Variants in ARHGAP25 observed in about 807,000 individuals in gnomAD.
ARHGAP25 encodes the protein rho GTPase-activating protein 25.
ARHGAP25 carries 34 observed loss-of-function variants against 71.0 expected under a neutral mutation model. That is an observed-to-expected ratio of 0.48 (90% CI 0.36 to 0.64). ARHGAP25 has a LOEUF of 0.64. ARHGAP25 is among the 30% of genes least tolerant of loss of function. ARHGAP25 has a pLI of 0.00. For synonymous variants in ARHGAP25, 282 were observed against 296.5 expected (o/e 0.95, Z 0.50); for missense variants, 706 against 805.1 (o/e 0.88, Z 1.49).
At chr2:68,781,456 A>G (rs1227324504) in intron 2 of ARHGAP25, among the ~76,000 whole-genome samples, 3 of 152,196 alleles carry the variant, frequency 2.0e-5, no homozygotes, top group African/African-American at 7.2e-5. Context: ...ATGCACACAC[A>G]TGGTGGAAGT....
In ARHGAP25 at chr2:68,813,381, C is replaced by G. The variant is rs772600958; in HGVS notation, c.769C>G (p.Leu257Val). ...VVPWSQYEGF[L>V]LCGQLTNADE... ...TCCCTGGAGCCAGTACGAAGGGTTC[C>G]TGCTCTGTGGGCAGCTCACGAATGC... The change falls in exon 6 of 11, where the codon CTG becomes GTG. Residue 257 changes from leucine to valine, a missense_variant. Physicochemically the swap from Leu to Val is conservative, Grantham distance 32. Coordinates refer to ENST00000409202, the MANE Select transcript of ARHGAP25 (RefSeq NM_001007231.3). The G allele has an allele frequency of 1.2e-6, 2 of 1,613,600 alleles. No homozygotes were observed. Among genetic ancestry groups the G allele is most frequent in the Non-Finnish European group, 1.7e-6 (2 of 1,179,956 alleles).
chr2:68,755,855 G>A (rs1021558617), intron 1 of ARHGAP25, among the ~76,000 whole-genome samples: 4 of 152,132 alleles, frequency 2.6e-5, no homozygotes, highest in South Asian at 4.1e-4. Context: ...ACAATTTTAC[G>A]TTAAGATATT....
intron 2 of ARHGAP25, among the ~76,000 whole-genome samples, chr2:68,726,972 A>T (rs1674898565): frequency 6.6e-6 from 1 of 152,076 alleles, no homozygotes; most frequent in South Asian, 2.1e-4. Flanking sequence ...ATAAAACCTT[A>T]ATTTTGTGCC....
intron 4 of ARHGAP25, among the ~76,000 whole-genome samples, chr2:68,795,046 T>C (rs1430385730): frequency 1.3e-5 from 2 of 152,176 alleles, no homozygotes; most frequent in Non-Finnish European, 2.9e-5. Context: ...CTAGGTTTTC[T>C]AGTTTGTGGG....
In ARHGAP25 at chr2:68,743,294, A is replaced by G. The variant is rs545516487; in HGVS notation, c.61+8034A>G. Among the ~76,000 whole-genome samples, 4 of 133,152 alleles carry G rather than the reference A, an allele frequency of 3.0e-5. No homozygotes were observed. In the South Asian group the frequency reaches 9.8e-4, roughly 33 times the overall value. 87.4% of individuals were successfully genotyped at this position (133,152 alleles called of 152,430 possible). A position where few individuals can be genotyped will look rare whatever the true frequency, so the allele number is the denominator to read the frequency against. ...GTTGGAAGTTGTTAGTGTGGGCTTC[A>G]GGGGCTCAGTGTTTAACTGCTTGTG... On this transcript the variant is annotated intron_variant, in intron 1 of 10. Transcript: ENST00000409202.
At chr2:68,720,373 A>T (rs889394963) in intron 2 of ARHGAP25, among the ~76,000 whole-genome samples, 3 of 151,732 alleles carry the variant, frequency 2.0e-5, no homozygotes, top group African/African-American at 7.3e-5. Context: ...AAAAGCTCCT[A>T]TACTTGCTCT....
intron 3 of ARHGAP25, among the ~76,000 whole-genome samples, chr2:68,786,951 A>G (rs1191134000): frequency 6.6e-6 from 1 of 152,208 alleles, no homozygotes; most frequent in Non-Finnish European, 1.5e-5. Flanking sequence ...ATTTTAACCA[A>G]CTAAAGAAAA....
chr2:68,734,600 G>A (rs1242994422), upstream of ARHGAP25, among the ~76,000 whole-genome samples: 2 of 152,154 alleles, frequency 1.3e-5, no homozygotes, highest in Non-Finnish European at 2.9e-5. Context: ...TAGATGATGG[G>A]AGTTTCGACA....
intron 3 of ARHGAP25, among the ~76,000 whole-genome samples, chr2:68,785,456 A>T (rs1481464117): frequency 6.6e-6 from 1 of 152,208 alleles, no homozygotes; most frequent in African/African-American, 2.4e-5. Flanking sequence ...GGGAAAAAGA[A>T]ATCGATGTTG....
At chr2:68,732,298 C>T (rs1310643295), upstream of ARHGAP25, among the ~76,000 whole-genome samples, 1 of 152,128 alleles carries the variant, frequency 6.6e-6, no homozygotes, top group Non-Finnish European at 1.5e-5. Context: ...CTGACAGGAA[C>T]CTACCCTGAA....
chr2:68,812,437 C>T (rs919902271), intron 5 of ARHGAP25, among the ~76,000 whole-genome samples: 23 of 152,168 alleles, frequency 1.5e-4, no homozygotes, highest in African/African-American at 4.8e-4. Context: ...ATCAGGCCCA[C>T]GGGGAGGCGT....
chr2:68,787,802 C>T lies in ARHGAP25; in HGVS notation c.350-38C>T, dbSNP rs1573536508. Reference sequence around the variant, plus strand: ...CTTCCCCTTGCTCTCATGTTCTTATCACTCTAAGACCTTCACAAGTGCTAA... The same window carrying T: ...CTTCCCCTTGCTCTCATGTTCTTATTACTCTAAGACCTTCACAAGTGCTAA... On this transcript the variant is annotated intron_variant, in intron 3 of 10. Transcript: ENST00000409202. 1.9e-6 allele frequency: 3 copies of T among 1,545,186 alleles called. No homozygotes were observed. The East Asian group carries it at 6.7e-5, about 35-fold the overall frequency.
chr2:68,761,883 A>G (rs1676846222), intron 1 of ARHGAP25, among the ~76,000 whole-genome samples: 1 of 152,210 alleles, frequency 6.6e-6, no homozygotes, highest in Non-Finnish European at 1.5e-5. Flanking sequence ...CCGCATCTAA[A>G]TATATACTCA....
Position 68,822,797 on chromosome 2 carries a change from C to A in ARHGAP25, c.1658C>A (p.Ser553Tyr), listed in dbSNP as rs201320026. The A allele has an allele frequency of 9.3e-6, 15 of 1,614,182 alleles. No individual in the cohort carries two copies. In the Admixed American group the frequency reaches 1.3e-4, roughly 14 times the overall value. ...AACTCTGGAGAAGAGGAAATTGATT[C>A]TTTGCAGAGGATGGTCCAAGAGCTA... ...KKNSGEEEID[S>Y]LQRMVQELRK... The change falls in exon 10 of 11, where the codon TCT (serine) becomes TAT (tyrosine). Residue 553 changes from serine (S) to tyrosine (Y), a missense_variant. By Grantham distance (144) the Ser-to-Tyr change is moderately radical. Coordinates refer to ENST00000409202, the MANE Select transcript of ARHGAP25 (RefSeq NM_001007231.3).
chr2:68,802,543 T>C (rs1317885331), intron 4 of ARHGAP25, among the ~76,000 whole-genome samples: 5 of 152,102 alleles, frequency 3.3e-5, no homozygotes, highest in Non-Finnish European at 7.4e-5. Flanking sequence ...GGCTTTGTAT[T>C]TTCAGTGCCT....
chr2:68,784,991 A>T (rs1678647124), intron 3 of ARHGAP25, among the ~76,000 whole-genome samples: 1 of 152,196 alleles, frequency 6.6e-6, no homozygotes, highest in African/African-American at 2.4e-5. Flanking sequence ...GGAGTCAGCT[A>T]AGAGCACAGC....
chr2:68,807,160 T>C lies in ARHGAP25; in HGVS notation c.467-113T>C. ...TGAGTGATTTATCTCCCATATTTTGTCTAGTATCATTGCAATAAAACCTGT... is the reference window on the plus strand; with the variant it reads ...TGAGTGATTTATCTCCCATATTTTGCCTAGTATCATTGCAATAAAACCTGT... On this transcript the variant is annotated intron_variant, in intron 4 of 10. Transcript: ENST00000409202. 4 of 936,120 alleles carry C rather than the reference T, an allele frequency of 4.3e-6. No homozygotes were observed. In the South Asian group the frequency reaches 5.7e-5, roughly 13 times the overall value. The allele number at this position is 936,120 out of a possible 1,614,324, so 58.0% of individuals were successfully genotyped here. A position where few individuals can be genotyped will look rare whatever the true frequency, so the allele number is the denominator to read the frequency against.
chr2:68,762,121 A>G (rs1471563740), intron 1 of ARHGAP25, among the ~76,000 whole-genome samples: 1 of 152,204 alleles, frequency 6.6e-6, no homozygotes, highest in Non-Finnish European at 1.5e-5. Flanking sequence ...TAAGTGAAAT[A>G]AGCTGCTTCA....
chr2:68,802,917 A>G (rs1386305654), intron 4 of ARHGAP25, among the ~76,000 whole-genome samples: 1 of 143,528 alleles, frequency 7.0e-6, no homozygotes, highest in Non-Finnish European at 1.6e-5. Context: ...ATCCATATAT[A>G]CACATATATC....
Sources: gnomAD v4.1 joint callset for allele counts (sites outside exome capture counted in the v4.1 genomes callset) on GRCh38, gnomAD v4.1.1 for gene constraint, MANE v1.5 for transcripts, NCBI Gene and HGNC (gene_info 2026-07-23, HGNC 2026-07-21) for gene names.